The following KDM5A variants were observed in gnomAD, a reference collection of about 807,000 sequenced individuals.
The protein encoded by KDM5A is lysine demethylase 5A, also known as lysine-specific demethylase 5A.
In KDM5A, 42 loss-of-function variants were observed where a neutral mutation model predicts 193.5. The observed-to-expected ratio is 0.22, with a 90% CI of 0.17 to 0.28. KDM5A has a LOEUF of 0.28. Ranked by LOEUF, KDM5A falls within the 10% of genes least tolerant of loss-of-function variation. KDM5A has a pLI of 1.00. For synonymous variants in KDM5A, 796 were observed against 718.1 expected, an observed-to-expected ratio of 1.11 and a Z score of -1.73; for missense variants, 1,692 against 2,055.1, an observed-to-expected ratio of 0.82 and a Z score of 3.42.
intron 4 of KDM5A, among the ~76,000 whole-genome samples, chr12:364,989 G>A (rs886113740): frequency 6.6e-6 from 1 of 151,916 alleles, no homozygotes; most frequent in African/African-American, 2.4e-5. Flanking sequence ...ACAAAATGTG[G>A]TATATCCATT....
At chr12:286,001 A>G in intron 27 of KDM5A, 1 of 425,640 alleles carries the variant, frequency 2.3e-6, no homozygotes, top group South Asian at 2.1e-5. Flanking sequence ...TAATATTAAC[A>G]ATTTCTAGGC....
intron 13 of KDM5A, 95 bp from the exon 14 acceptor site, chr12:329,124 G>A: frequency 2.0e-6 from 2 of 991,450 alleles, no homozygotes; most frequent in Non-Finnish European, 3.1e-6. Context: ...TTATTAGAAA[G>A]AAGACAGAAT....
At chr12:325,712 T>C (rs1222199122) in intron 14 of KDM5A, among the ~76,000 whole-genome samples, 3 of 149,566 alleles carry the variant, frequency 2.0e-5, no homozygotes, top group South Asian at 2.1e-4. Context: ...CTAGGTAACA[T>C]ATAACTATGA....
Position 384,155 on chromosome 12 carries a change from TA to T in KDM5A, c.244-3del. The stretch of plus-strand genomic sequence containing the variant: ...ATCCAATCTCACTCTGGTCATTGCC[TA>T]AGATTATTAAAATACAGAAGAACTA... On this transcript the variant is annotated splice_polypyrimidine_tract_variant and splice_region_variant and intron_variant, in intron 2 of 27. Coordinates refer to ENST00000399788, the MANE Select transcript of KDM5A (RefSeq NM_001042603.3). The T allele has an allele frequency of 6.3e-7, 1 of 1,589,124 alleles. No individual in the cohort carries two copies. Among genetic ancestry groups the T allele is most frequent in the Non-Finnish European group, 8.6e-7 (1 of 1,157,524 alleles).
At chr12:320,836 C>CA (rs1439775056) in intron 18 of KDM5A, among the ~76,000 whole-genome samples, 159 bp downstream of exon 18, 1 of 151,452 alleles carries the variant, frequency 6.6e-6, no homozygotes. Context: ...AGAACAAAAC[C>CA]AAAAAACTGC....
At chr12:333,859 T>C (rs548144214) in intron 11 of KDM5A, among the ~76,000 whole-genome samples, 1 of 152,174 alleles carries the variant, frequency 6.6e-6, no homozygotes, top group South Asian at 2.1e-4. Context: ...TACAAACTTA[T>C]CACCACAATT....
chr12:356,326 A>G (rs1276730944), intron 6 of KDM5A, 106 bp downstream of exon 6: 1 of 775,758 alleles, frequency 1.3e-6, no homozygotes, highest in Non-Finnish European at 2.2e-6. Context: ...GCGATTTTAC[A>G]ATTCTTAAGA....
chr12:389,078 C>T lies in KDM5A; in HGVS notation c.14G>A (p.Gly5Glu). MAGV[G>E]PGGYAAEFVP... The stretch of plus-strand genomic sequence containing the variant: ...GAACTCCGCCGCGTAGCCCCCCGGC[C>T]CCACGCCCGCCATTGCAACGGCCGG... The change falls in exon 1 of 28, where the codon GGG (glycine) becomes GAG (glutamate). Residue 5 changes from glycine (G) to glutamate (E), a missense_variant. Physicochemically the swap from Gly to Glu is moderately conservative, Grantham distance 98. Coordinates refer to ENST00000399788, the MANE Select transcript of KDM5A (RefSeq NM_001042603.3). 1 of 1,606,746 alleles carries T rather than the reference C, an allele frequency of 6.2e-7. No homozygotes were observed.
At chr12:380,261 CAAAA>C (rs776295511) in intron 3 of KDM5A, among the ~76,000 whole-genome samples, 1 of 74,462 alleles carries the variant, frequency 1.3e-5, no homozygotes, top group African/African-American at 5.1e-5. Flanking sequence ...ACTCCGTCTC[CAAAA>C]AAAAAAAAAA....
At chr12:374,197 T>G (rs1944470115) in intron 3 of KDM5A, among the ~76,000 whole-genome samples, 1 of 152,186 alleles carries the variant, frequency 6.6e-6, no homozygotes, top group South Asian at 2.1e-4. Flanking sequence ...AGTCTCCCAT[T>G]ATCATTGTGT....
chr12:371,464 T>C (rs1370989600), intron 3 of KDM5A, among the ~76,000 whole-genome samples: 4 of 96,214 alleles, frequency 4.2e-5, no homozygotes, highest in Non-Finnish European at 7.1e-5. Flanking sequence ...GGGGTTGTTT[T>C]TTTCTCGTAA....
chr12:292,281 G>T (rs550937511), intron 27 of KDM5A, among the ~76,000 whole-genome samples: 1 of 152,148 alleles, frequency 6.6e-6, no homozygotes, highest in Admixed American at 6.5e-5. Flanking sequence ...TTAGGAGGGT[G>T]CCCACAGCTC....
chr12:302,342 A>G (rs1221819932), intron 24 of KDM5A, among the ~76,000 whole-genome samples: 1 of 152,242 alleles, frequency 6.6e-6, no homozygotes, highest in Non-Finnish European at 1.5e-5. Context: ...CCAATAGAAC[A>G]GAACAGAGGC....
intron 26 of KDM5A, among the ~76,000 whole-genome samples, chr12:294,234 G>C (rs1302148093): frequency 1.3e-5 from 2 of 152,148 alleles, no homozygotes; most frequent in African/African-American, 4.8e-5. Context: ...TTGCTAGTAT[G>C]TGCCAATGTA....
At position 308,010 on chromosome 12, in the gene KDM5A, A is replaced by G; in HGVS notation, c.3379-5T>C. 6.2e-7 allele frequency: 1 copy of G among 1,613,580 alleles called. No individual in the cohort carries two copies. The highest frequency in any genetic ancestry group is 8.5e-7 in the Non-Finnish European group (1 of 1,179,808). On this transcript the variant is annotated splice_region_variant and splice_polypyrimidine_tract_variant and intron_variant, in intron 22 of 27. Transcript: ENST00000399788. ...CCGTTCTTTGAAAACTGCCACCTGTACAAGACAAACATTTAATTGAAAAGA... is the reference window on the plus strand; with the variant it reads ...CCGTTCTTTGAAAACTGCCACCTGTGCAAGACAAACATTTAATTGAAAAGA...
intron 21 of KDM5A, among the ~76,000 whole-genome samples, chr12:310,343 A>G (rs1383309426): frequency 6.6e-6 from 1 of 152,180 alleles, no homozygotes; most frequent in Non-Finnish European, 1.5e-5. Context: ...CGATCTTTCA[A>G]TGATAGGCTG....
chr12:348,694 A>C (rs1232236480), intron 10 of KDM5A, among the ~76,000 whole-genome samples: 1 of 151,526 alleles, frequency 6.6e-6, no homozygotes, highest in Non-Finnish European at 1.5e-5. Context: ...TCTCACTCAT[A>C]GGTGAGAAGT....
At chr12:321,534 G>A (rs1401414257) in intron 17 of KDM5A, among the ~76,000 whole-genome samples, 6 of 152,160 alleles carry the variant, frequency 3.9e-5, no homozygotes, top group Admixed American at 3.9e-4. Flanking sequence ...GTTTCTCCAA[G>A]TGGGGTCACT....
At chr12:294,275 G>A (rs1362874961) in intron 26 of KDM5A, among the ~76,000 whole-genome samples, 2 of 151,052 alleles carry the variant, frequency 1.3e-5, no homozygotes, top group Admixed American at 1.3e-4. Context: ...TGGTAAAAGT[G>A]TATCTAGTAA....
Sources: allele counts gnomAD v4.1 joint callset (sites outside exome capture counted in the v4.1 genomes callset), GRCh38; gene constraint gnomAD v4.1.1; transcripts MANE v1.5; gene names NCBI Gene and HGNC (gene_info 2026-07-23, HGNC 2026-07-21).